The following VPS13A variants were observed in gnomAD, a reference collection of about 807,000 sequenced individuals.
VPS13A encodes the protein vacuolar protein sorting 13 homolog A.
VPS13A carries 264 observed loss-of-function variants against 390.9 expected under a neutral mutation model. That is an observed-to-expected ratio of 0.68 (90% CI 0.61 to 0.75). The LOEUF is 0.75. VPS13A is among the 30% of genes least tolerant of loss of function. The pLI, the probability that VPS13A is intolerant of heterozygous loss-of-function variation, is 0.00. For synonymous variants in VPS13A, 1,231 were observed against 1,227.1 expected, an observed-to-expected ratio of 1.00 and a Z score of -0.07; for missense variants, 3,409 against 3,733.9, an observed-to-expected ratio of 0.91 and a Z score of 2.27.
At chr9:77,261,843 C>A (rs1033050799) in intron 23 of VPS13A, among the ~76,000 whole-genome samples, 3 of 152,128 alleles carry the variant, frequency 2.0e-5, no homozygotes, top group African/African-American at 7.2e-5. Context: ...CACTGGGCTC[C>A]CAAGTACTGG....
chr9:77,344,495 C>T lies in VPS13A; in HGVS notation c.7155+214C>T, dbSNP rs572170174. 7.2e-5 allele frequency among the ~76,000 whole-genome samples: 11 copies of T among 152,154 alleles called. No homozygotes were observed. In the South Asian group the frequency reaches 2.1e-3, roughly 29 times the overall value. On this transcript the variant is annotated intron_variant, in intron 51 of 71. Transcript: ENST00000360280. ...AGTTGGGGCCGGGTGCGGTGGCTCA[C>T]GCCTGTAACACCAGCACTTTGGGAG... is the stretch of plus-strand genomic sequence containing the variant.
chr9:77,243,598 TTCTCTGATAGGATCA>T (rs1244766064), intron 19 of VPS13A, among the ~76,000 whole-genome samples: 2 of 152,176 alleles, frequency 1.3e-5, no homozygotes, highest in African/African-American at 4.8e-5. Context: ...GAGTACAAGG[TTCTCTGATAGGATCA>T]TAGTGAATCA....
intron 3 of VPS13A, among the ~76,000 whole-genome samples, chr9:77,201,915 G>A (rs570762122): frequency 6.6e-6 from 1 of 152,192 alleles, no homozygotes; most frequent in East Asian, 1.9e-4. Context: ...TATTGGTTGA[G>A]CAGTAAATGA....
intron 54 of VPS13A, among the ~76,000 whole-genome samples, chr9:77,354,466 A>G (rs1421511225): frequency 1.3e-5 from 2 of 152,148 alleles, no homozygotes; most frequent in African/African-American, 2.4e-5. Flanking sequence ...ATTATATGTT[A>G]TCTTCTAAGC....
intron 20 of VPS13A, among the ~76,000 whole-genome samples, chr9:77,249,123 C>G (rs1047617621): frequency 6.6e-6 from 1 of 152,058 alleles, no homozygotes; most frequent in Non-Finnish European, 1.5e-5. Flanking sequence ...AGAGGAATAT[C>G]TATCACAATT....
At chr9:77,197,491 C>T (rs544461601) in intron 1 of VPS13A, among the ~76,000 whole-genome samples, 12 of 152,150 alleles carry the variant, frequency 7.9e-5, no homozygotes, top group African/African-American at 2.2e-4. Context: ...AGTGAAGTGT[C>T]GGTTTTATCA....
At chr9:77,312,423 A>ATTTTTTTTTTTTTTTTTTTTT (rs200809406) in intron 35 of VPS13A, among the ~76,000 whole-genome samples, 1 of 146,630 alleles carries the variant, frequency 6.8e-6, no homozygotes. Context: ...TGTTCATATA[A>ATTTTTTTTTTTTTTTTTTTTT]TTTTTTTTTT....
At chr9:77,243,182 T>G (rs1296317429) in intron 19 of VPS13A, among the ~76,000 whole-genome samples, 1 of 152,118 alleles carries the variant, frequency 6.6e-6, no homozygotes, top group East Asian at 1.9e-4. Context: ...TTCTTTCTTG[T>G]ATTATAGGTT....
At chr9:77,347,272 T>C (rs983540682) in intron 52 of VPS13A, among the ~76,000 whole-genome samples, 4 of 150,898 alleles carry the variant, frequency 2.7e-5, no homozygotes, top group African/African-American at 9.8e-5. Context: ...AGATTGCTTA[T>C]GGCAGTATGG....
At chr9:77,194,876 C>T (rs1824897457) in intron 1 of VPS13A, among the ~76,000 whole-genome samples, 1 of 152,054 alleles carries the variant, frequency 6.6e-6, no homozygotes, top group Non-Finnish European at 1.5e-5. Flanking sequence ...GGTGGAAGCT[C>T]TTCCTGACTC....
chr9:77,243,100 G>A (rs1032802244), intron 19 of VPS13A, among the ~76,000 whole-genome samples: 4 of 151,894 alleles, frequency 2.6e-5, no homozygotes, highest in African/African-American at 9.7e-5. Context: ...GGTTACTTAG[G>A]TTCTTTCCTT....
At position 77,247,259 on chromosome 9, in the gene VPS13A, G is replaced by A; in HGVS notation, c.1901G>A (p.Gly634Asp). The change falls in exon 20 of 72, where the codon GGT becomes GAT. Residue 634 changes from glycine to aspartate, a missense_variant and splice_region_variant. Physicochemically the swap from Gly to Asp is moderately conservative, Grantham distance 94 (BLOSUM62 -1). This residue lies in a region of VPS13A where 2,717 missense variants were observed against 2,917.4 expected (regional missense o/e 0.93). Transcript: ENST00000360280. ...LEEFRSKTAT[G>D]LLYIIETQKV... Reference sequence around the variant, plus strand: ...ATAGAAAAGATTTACATTTTTCCAGGTCTACTGTATATTATTGAAACACAG... The same window carrying A: ...ATAGAAAAGATTTACATTTTTCCAGATCTACTGTATATTATTGAAACACAG... 6.3e-7 allele frequency: 1 copy of A among 1,579,116 alleles called. No individual in the cohort carries two copies. The highest frequency in any genetic ancestry group is 1.4e-5 in the African/African-American group (1 of 73,738).
chr9:77,391,583 C>T (rs1833901587), intron 68 of VPS13A, among the ~76,000 whole-genome samples: 1 of 152,042 alleles, frequency 6.6e-6, no homozygotes, highest in Non-Finnish European at 1.5e-5. Context: ...GGTAATTTTT[C>T]AGTGAAAATT....
At chr9:77,177,849 G>C (rs373206139) in intron 1 of VPS13A, 45 bp downstream of exon 1, 6 of 1,559,066 alleles carry the variant, frequency 3.8e-6, no homozygotes, top group Non-Finnish European at 5.2e-6. Flanking sequence ...CGTGCTTCCC[G>C]GCCGTCTCGC....
chr9:77,305,154 G>A (rs1389301463), intron 34 of VPS13A, among the ~76,000 whole-genome samples: 1 of 151,936 alleles, frequency 6.6e-6, no homozygotes. Flanking sequence ...TAGCCAGGAT[G>A]GTCTTGATCT....
Position 77,315,381 on chromosome 9 carries a change from T to G in VPS13A, c.4541T>G (p.Leu1514Arg), listed in dbSNP as rs1209643081. Residue 1514 changes from leucine (L) to arginine (R), a missense_variant, in exon 38 of 72, where the codon CTG (leucine) becomes CGG (arginine). Coordinates refer to ENST00000360280, the MANE Select transcript of VPS13A (RefSeq NM_033305.3). ...EMYICASVEF[L>R]QTVANVFLEA... The stretch of plus-strand genomic sequence containing the variant: ...TATATTTGTGCAAGCGTAGAATTTC[T>G]GCAGACTGTTGCAAATGTCTTTCTT... 6.2e-7 allele frequency: 1 copy of G among 1,614,010 alleles called. No homozygotes were observed. The highest frequency in any genetic ancestry group is 8.5e-7 in the Non-Finnish European group (1 of 1,179,884).
chr9:77,216,825 T>C (rs924211477), intron 10 of VPS13A, among the ~76,000 whole-genome samples: 7 of 152,142 alleles, frequency 4.6e-5, no homozygotes, highest in Admixed American at 6.5e-5. Context: ...ATTTGGAGTT[T>C]GAGAAGAAGA....
At chr9:77,413,342 A>G (rs564023274) in intron 71 of VPS13A, among the ~76,000 whole-genome samples, 1,917 of 152,318 alleles carry the variant, frequency 0.013, 41 homozygotes, top group African/African-American at 0.044. Context: ...TTCAAACTAT[A>G]CTACAAGGCT....
chr9:77,213,377 G>A, intron 9 of VPS13A, 63 bp downstream of exon 9: 1 of 1,324,572 alleles, frequency 7.5e-7, no homozygotes, highest in Admixed American at 1.7e-5. Flanking sequence ...TTAATTCATT[G>A]TCATTTATCT....
Sources: allele counts gnomAD v4.1 joint callset (sites outside exome capture counted in the v4.1 genomes callset), GRCh38; gene constraint gnomAD v4.1.1; regional missense constraint gnomAD v4.1.1; transcripts MANE v1.5; gene names NCBI Gene and HGNC (gene_info 2026-07-23, HGNC 2026-07-21).